The following PCDHGA8 variants were observed in gnomAD, a reference collection of about 807,000 sequenced individuals.
PCDHGA8 encodes the protein protocadherin gamma subfamily A, 8, also known as protocadherin gamma-A8.
A neutral mutation model predicts 59.2 loss-of-function variants in PCDHGA8; 45 were observed. That is an observed-to-expected ratio of 0.76 (90% CI 0.60 to 0.98). The LOEUF (loss-of-function observed/expected upper bound fraction) is 0.98, where lower values mean the gene tolerates loss of function less well. PCDHGA8 is among the 50% of genes least tolerant of loss of function. PCDHGA8 has a pLI of 0.00. For missense variants in PCDHGA8, 1,257 were observed against 1,196.2 expected (o/e 1.05, Z -0.75); for synonymous variants, 531 against 519.0 (o/e 1.02, Z -0.32).
Position 141,431,601 on chromosome 5 carries a change from T to G in PCDHGA8, c.2424+36364T>G. 1 of 1,614,202 alleles carries G rather than the reference T, an allele frequency of 6.2e-7. No homozygotes were observed. Among genetic ancestry groups the G allele is most frequent in the Non-Finnish European group, 8.5e-7 (1 of 1,180,032 alleles). On this transcript the variant is annotated intron_variant, in intron 1 of 3. Transcript: ENST00000398604. The surrounding 1 kb of genome is among the most constrained non-coding windows in gnomAD (Gnocchi z 4.8). Reference sequence around the variant, plus strand: ...GTCAATGCGGAAGTGAGGTATTCCTTCCGGTATGTGGACGACAAGGCGGCC... The same window carrying G: ...GTCAATGCGGAAGTGAGGTATTCCTGCCGGTATGTGGACGACAAGGCGGCC...
At chr5:141,408,055 C>CCGG in intron 1 of PCDHGA8, 1 of 1,299,130 alleles carries the variant, frequency 7.7e-7, no homozygotes, top group South Asian at 1.6e-5. Flanking sequence ...ACAGAGCCTC[C>CCGG]CGGCTGCGCA....
chr5:141,415,112 T>G, intron 1 of PCDHGA8: 1 of 1,613,626 alleles, frequency 6.2e-7, no homozygotes, highest in Non-Finnish European at 8.5e-7. Flanking sequence ...AAGCAAAGCC[T>G]CGTAGTGGCC....
At chr5:141,407,238 T>C (rs538322072) in intron 1 of PCDHGA8, among the ~76,000 whole-genome samples, 1 of 152,338 alleles carries the variant, frequency 6.6e-6, no homozygotes, top group East Asian at 1.9e-4. Context: ...AAATAAAGCA[T>C]ACTTCAGGCT....
intron 1 of PCDHGA8, chr5:141,400,466 C>T: frequency 6.2e-7 from 1 of 1,614,024 alleles, no homozygotes; most frequent in Non-Finnish European, 8.5e-7. Context: ...TGTGGTGATT[C>T]ATCTGGGGCC....
intron 1 of PCDHGA8, chr5:141,402,889 G>A: frequency 1.3e-6 from 2 of 1,493,808 alleles, no homozygotes; most frequent in South Asian, 1.4e-5. Context: ...CAGGGTGGAA[G>A]AAAGAACCTG....
At chr5:141,418,744 T>C in intron 1 of PCDHGA8, 1 of 1,613,936 alleles carries the variant, frequency 6.2e-7, no homozygotes, top group Non-Finnish European at 8.5e-7. Context: ...TCTCTCTGGA[T>C]TACACTACAG....
chr5:141,472,856 C>T (rs1251907207), intron 1 of PCDHGA8, among the ~76,000 whole-genome samples: 5 of 150,296 alleles, frequency 3.3e-5, no homozygotes, highest in East Asian at 2.0e-4. Flanking sequence ...CATGGTGGCA[C>T]ATGCCTGTAT....
intron 1 of PCDHGA8, chr5:141,478,636 T>G: frequency 1.3e-6 from 2 of 1,552,744 alleles, no homozygotes; most frequent in South Asian, 2.4e-5. Flanking sequence ...TTTTTAGTGA[T>G]GAAGATGTTT....
At chr5:141,429,613 G>A (rs1374650357) in intron 1 of PCDHGA8, among the ~76,000 whole-genome samples, 2 of 152,084 alleles carry the variant, frequency 1.3e-5, no homozygotes, top group African/African-American at 2.4e-5. Flanking sequence ...TCAATTTTAT[G>A]TCTGATATTT....
In PCDHGA8 at chr5:141,494,832, G is replaced by A. The variant is rs758427900; in HGVS notation, c.2450G>A (p.Arg817His). The A allele has an allele frequency of 1.2e-6, 2 of 1,614,066 alleles. No homozygotes were observed. Among genetic ancestry groups the A allele is most frequent in the Non-Finnish European group, 1.7e-6 (2 of 1,179,994 alleles). The change falls in exon 2 of 4, where the codon CGT (arginine) becomes CAT (histidine). Residue 817 changes from arginine (R) to histidine (H), a missense_variant. Transcript: ENST00000398604. ...CAAGCCCCGCCCAACACGGACTGGC[G>A]TTTCTCTCAGGCCCAGAGACCCGGC... ...GQQAPPNTDW[R>H]FSQAQRPGTS...
At chr5:141,470,302 C>A (rs996558051) in intron 1 of PCDHGA8, among the ~76,000 whole-genome samples, 5 of 152,188 alleles carry the variant, frequency 3.3e-5, no homozygotes, top group African/African-American at 1.2e-4. Context: ...GTTTTTATTC[C>A]ATTTTTCCTC....
chr5:141,399,960 G>T, intron 1 of PCDHGA8: 1 of 1,612,214 alleles, frequency 6.2e-7, no homozygotes, highest in Non-Finnish European at 8.5e-7. Flanking sequence ...GCGAGCCCGG[G>T]CTCTTCAGCC....
chr5:141,409,751 C>G lies in PCDHGA8; in HGVS notation c.2424+14514C>G, dbSNP rs774810318. The G allele has an allele frequency of 1.5e-5, 25 of 1,613,000 alleles. No homozygotes were observed. In the Admixed American group the frequency reaches 4.0e-4, roughly 26 times the overall value. The stretch of plus-strand genomic sequence containing the variant: ...CGCGCAGAGCGGGGTGGTGTTCGCG[C>G]AGCGCGCCTTTGATCACGAGCAGCT... On this transcript the variant is annotated intron_variant, in intron 1 of 3. Coordinates refer to ENST00000398604, the MANE Select transcript of PCDHGA8 (RefSeq NM_032088.2).
chr5:141,487,824 C>A lies in PCDHGA8; in HGVS notation c.2425-6983C>A. The stretch of plus-strand genomic sequence containing the variant: ...TCACAGTTTAGCATTGGGGGCGGGT[C>A]ATGCCTATATCTGAGTAAGAAATGA... On this transcript the variant is annotated intron_variant, in intron 1 of 3. Coordinates refer to ENST00000398604, the MANE Select transcript of PCDHGA8 (RefSeq NM_032088.2). This position sits in a 1 kb window ranked among gnomAD's most constrained non-coding sequence, Gnocchi z 5.0. 2 of 1,247,252 alleles carry A rather than the reference C, an allele frequency of 1.6e-6. No individual in the cohort carries two copies. The highest frequency in any genetic ancestry group is 2.9e-5 in the South Asian group (2 of 68,154). The allele number at this position is 1,247,252 out of a possible 1,614,324, so 77.3% of individuals were successfully genotyped here. A position where few individuals can be genotyped will look rare whatever the true frequency, so the allele number is the denominator to read the frequency against.
chr5:141,408,307 C>T, intron 1 of PCDHGA8: 1 of 1,613,820 alleles, frequency 6.2e-7, no homozygotes, highest in East Asian at 2.2e-5. Flanking sequence ...CGATCCGCTA[C>T]TCGATTCCGG....
chr5:141,404,047 A>G, intron 1 of PCDHGA8: 1 of 1,613,860 alleles, frequency 6.2e-7, no homozygotes, highest in Non-Finnish European at 8.5e-7. Context: ...AGGGAACAGT[A>G]ATTCTTCTTT....
Position 141,489,555 on chromosome 5 carries a change from A to G in PCDHGA8, c.2425-5252A>G, listed in dbSNP as rs909307566. ...GAGCCAGCACCAGCTGCCTGCTGCC[A>G]GTGCAGGTGGTGACTGAACACCCCC... is the stretch of plus-strand genomic sequence containing the variant. On this transcript the variant is annotated intron_variant, in intron 1 of 3. Transcript: ENST00000398604. The surrounding 1 kb of genome is among the most constrained non-coding windows in gnomAD (Gnocchi z 4.5). 2.5e-6 allele frequency: 4 copies of G among 1,613,998 alleles called. No homozygotes were observed. The African/African-American group carries it at 5.3e-5, about 22-fold the overall frequency.
In PCDHGA8 at chr5:141,481,399, T is replaced by G. The variant is rs35677249; in HGVS notation, c.2425-13408T>G. 1.9e-3 allele frequency among the ~76,000 whole-genome samples: 284 copies of G among 152,356 alleles called. 1 individual carries two copies. Among genetic ancestry groups the G allele is most frequent in the Middle Eastern group, 0.01 (3 of 294 alleles). ...TTCTTTTTGGAGGGATGTGACAAAA[T>G]TCTTGTATAATTAGATTGTGATGAT... is the stretch of plus-strand genomic sequence containing the variant. On this transcript the variant is annotated intron_variant, in intron 1 of 3. Transcript: ENST00000398604.
Position 141,486,278 on chromosome 5 carries a change from G to C in PCDHGA8, c.2425-8529G>C, listed in dbSNP as rs774763063. On this transcript the variant is annotated intron_variant, in intron 1 of 3. Coordinates refer to ENST00000398604, the MANE Select transcript of PCDHGA8 (RefSeq NM_032088.2). The surrounding 1 kb of genome is among the most constrained non-coding windows in gnomAD (Gnocchi z 5.0). ...CGAGAGTGCAGAACCTGGCACTGTG[G>C]TGGCACTTATCAGTGTGCAGGATCC... is the stretch of plus-strand genomic sequence containing the variant. 4 of 1,613,970 alleles carry C rather than the reference G, an allele frequency of 2.5e-6. No individual in the cohort carries two copies. In the South Asian group the frequency reaches 4.4e-5, roughly 18 times the overall value.
Sources: gnomAD v4.1 joint callset for allele counts (sites outside exome capture counted in the v4.1 genomes callset) on GRCh38, gnomAD v4.1.1 for gene constraint, Gnocchi (gnomAD v3.1) non-coding constraint, MANE v1.5 for transcripts, NCBI Gene and HGNC (gene_info 2026-07-23, HGNC 2026-07-21) for gene names.